Variants in PAK5 observed in about 807,000 individuals in gnomAD.
PAK5 encodes the protein serine/threonine-protein kinase PAK 5.
PAK5 carries 16 observed loss-of-function variants against 65.9 expected under a neutral mutation model. That is an observed-to-expected ratio of 0.24 (90% CI 0.16 to 0.37). The LOEUF (loss-of-function observed/expected upper bound fraction) is 0.37, where lower values mean the gene tolerates loss of function less well. Among genes scored for constraint, PAK5 ranks in the 10% least tolerant of loss-of-function variants. The pLI is 1.00. For missense variants in PAK5, 785 were observed against 903.9 expected (o/e 0.87, Z 1.69); for synonymous variants, 371 against 354.9 (o/e 1.05, Z -0.51).
At chr20:9,695,171 TC>T (rs2047851618) in intron 2 of PAK5, among the ~76,000 whole-genome samples, 2 of 152,074 alleles carry the variant, frequency 1.3e-5, no homozygotes, top group Non-Finnish European at 1.5e-5. Flanking sequence ...CATGTAGATA[TC>T]CTCTTTTGTG....
intron 1 of PAK5, among the ~76,000 whole-genome samples, chr20:9,806,771 T>C (rs2049237721): frequency 6.6e-6 from 1 of 152,206 alleles, no homozygotes; most frequent in Admixed American, 6.5e-5. Flanking sequence ...TTATTCATAT[T>C]ATATTAATTT....
intron 2 of PAK5, among the ~76,000 whole-genome samples, chr20:9,700,737 T>C (rs2047928882): frequency 6.6e-6 from 1 of 152,138 alleles, no homozygotes; most frequent in Non-Finnish European, 1.5e-5. Flanking sequence ...ATAATCCAAT[T>C]GCCAGTGCAG....
intron 2 of PAK5, among the ~76,000 whole-genome samples, chr20:9,666,213 T>C (rs938262024): frequency 3.9e-5 from 6 of 151,934 alleles, no homozygotes; most frequent in Non-Finnish European, 8.8e-5. Context: ...ATGCCCTCCA[T>C]TTGAGGGCAT....
chr20:9,715,474 G>A (rs2048132489), intron 1 of PAK5, among the ~76,000 whole-genome samples: 1 of 152,282 alleles, frequency 6.6e-6, no homozygotes, highest in Middle Eastern at 3.4e-3. Context: ...CAACCATTGT[G>A]GAAGTCAGTG....
At chr20:9,821,970 C>A (rs1056096016) in intron 1 of PAK5, among the ~76,000 whole-genome samples, 6 of 152,122 alleles carry the variant, frequency 3.9e-5, no homozygotes, top group Non-Finnish European at 5.9e-5. Flanking sequence ...GAAGATACAG[C>A]TTATCAACTG....
chr20:9,697,556 C>T (rs1196555372), intron 2 of PAK5, among the ~76,000 whole-genome samples: 1 of 152,086 alleles, frequency 6.6e-6, no homozygotes, highest in Non-Finnish European at 1.5e-5. Flanking sequence ...GATTCTACTC[C>T]ACTTAATCCA....
At chr20:9,638,342 G>A (rs1173104090) in intron 3 of PAK5, among the ~76,000 whole-genome samples, 1 of 152,170 alleles carries the variant, frequency 6.6e-6, no homozygotes, top group Non-Finnish European at 1.5e-5. Flanking sequence ...GGTTATCTTG[G>A]CTAGCCCTAC....
intron 1 of PAK5, among the ~76,000 whole-genome samples, chr20:9,758,568 A>T (rs1241415165): frequency 6.6e-6 from 1 of 152,180 alleles, no homozygotes; most frequent in Non-Finnish European, 1.5e-5. Flanking sequence ...AGCTGATTGC[A>T]GCCTCTTGTT....
chr20:9,836,921 C>T (rs1432691063), intron 1 of PAK5, among the ~76,000 whole-genome samples: 1 of 152,152 alleles, frequency 6.6e-6, no homozygotes, highest in Non-Finnish European at 1.5e-5. Context: ...CCCAGAATCA[C>T]AAAGCTAAAC....
At chr20:9,771,581 A>ACTTTTTTTT (rs2048834155) in intron 1 of PAK5, among the ~76,000 whole-genome samples, 2 of 52,116 alleles carry the variant, frequency 3.8e-5, no homozygotes, top group Non-Finnish European at 7.7e-5. Flanking sequence ...TCAATTTTTT[A>ACTTTTTTTT]ATTTTTTTTT....
At chr20:9,648,637 T>G (rs917289531) in intron 2 of PAK5, among the ~76,000 whole-genome samples, 3 of 152,160 alleles carry the variant, frequency 2.0e-5, no homozygotes, top group African/African-American at 7.2e-5. Flanking sequence ...AGACTAACTC[T>G]TTTCTGCAGA....
intron 1 of PAK5, among the ~76,000 whole-genome samples, chr20:9,836,006 T>C (rs1979119137): frequency 6.6e-6 from 1 of 152,162 alleles, no homozygotes. Flanking sequence ...TGAGATACTC[T>C]AGAAGATCCA....
At chr20:9,652,374 T>C (rs776528421) in intron 2 of PAK5, among the ~76,000 whole-genome samples, 3 of 152,178 alleles carry the variant, frequency 2.0e-5, no homozygotes, top group East Asian at 1.9e-4. Flanking sequence ...TTGGGATCCA[T>C]AGGAAAATCT....
intron 1 of PAK5, among the ~76,000 whole-genome samples, chr20:9,750,590 G>A (rs1348687607): frequency 6.6e-6 from 1 of 152,058 alleles, no homozygotes; most frequent in African/African-American, 2.4e-5. Flanking sequence ...GCAACCAAAA[G>A]TTACCTTGCT....
intron 3 of PAK5, among the ~76,000 whole-genome samples, chr20:9,635,418 GC>G (rs1364881853): frequency 6.6e-6 from 1 of 152,136 alleles, no homozygotes; most frequent in Non-Finnish European, 1.5e-5. Context: ...TTTCAAAAGT[GC>G]CCCGTGCCAT....
chr20:9,692,215 G>A (rs984143481), intron 2 of PAK5, among the ~76,000 whole-genome samples: 2 of 152,114 alleles, frequency 1.3e-5, no homozygotes, highest in African/African-American at 4.8e-5. Context: ...CATCAGTATC[G>A]CTTCTAACTG....
chr20:9,791,213 C>T (rs2049046553), intron 1 of PAK5, among the ~76,000 whole-genome samples: 1 of 152,156 alleles, frequency 6.6e-6, no homozygotes, highest in South Asian at 2.1e-4. Context: ...AAGCCCTGGG[C>T]ATACACTCCA....
In PAK5 at chr20:9,644,322, C is replaced by T; in HGVS notation, c.7G>A (p.Gly3Arg). 6.2e-7 allele frequency: 1 copy of T among 1,609,156 alleles called. No individual in the cohort carries two copies. Among genetic ancestry groups the T allele is most frequent in the Non-Finnish European group, 8.5e-7 (1 of 1,177,850 alleles). ...ATTTCAATCTTTTTCTTTTTCTTCC[C>T]AAACATGATGCCAAAACCTGGGAAA... MF[G>R]KKKKKIEISG... Residue 3 changes from glycine to arginine, a missense_variant, in exon 3 of 10, where the codon GGG (glycine) becomes AGG (arginine). By Grantham distance (125) the Gly-to-Arg change is moderately radical. Transcript: ENST00000353224.
At chr20:9,669,593 T>C (rs1002351295) in intron 2 of PAK5, among the ~76,000 whole-genome samples, 1 of 152,080 alleles carries the variant, frequency 6.6e-6, no homozygotes, top group African/African-American at 2.4e-5. Context: ...TTATCTATCA[T>C]CATCTAGGCA....
Sources: gnomAD v4.1 joint callset for allele counts (sites outside exome capture counted in the v4.1 genomes callset) on GRCh38, gnomAD v4.1.1 for gene constraint, MANE v1.5 for transcripts, NCBI Gene and HGNC (gene_info 2026-07-23, HGNC 2026-07-21) for gene names.